ATP2B2: variants seen among roughly 807,000 people sequenced by gnomAD.
The protein encoded by ATP2B2 is ATPase plasma membrane Ca2+ transporting 2, also known as plasma membrane calcium-transporting ATPase 2.
In ATP2B2, 15 loss-of-function variants were observed where a neutral mutation model predicts 120.0. The observed-to-expected ratio is 0.12, with a 90% CI of 0.08 to 0.19. The LOEUF is 0.19. Ranked by LOEUF, ATP2B2 falls within the 10% of genes least tolerant of loss-of-function variation. The pLI is 1.00. For synonymous variants in ATP2B2, 694 were observed against 700.3 expected (o/e 0.99, Z 0.14); for missense variants, 1,045 against 1,719.8 (o/e 0.61, Z 6.94).
chr3:10,465,472 C>T (rs2064696127), intron 1 of ATP2B2, among the ~76,000 whole-genome samples: 1 of 152,252 alleles, frequency 6.6e-6, no homozygotes, highest in Non-Finnish European at 1.5e-5. Flanking sequence ...CCTCCAGTAC[C>T]ATCCTTCTGC....
intron 3 of ATP2B2, among the ~76,000 whole-genome samples, chr3:10,529,069 T>C (rs1178462718): frequency 6.6e-6 from 1 of 152,266 alleles, no homozygotes; most frequent in Non-Finnish European, 1.5e-5. Context: ...TGGGCTCATG[T>C]CTCTGTGCTA....
At chr3:10,367,246 G>A (rs1480597366) in intron 12 of ATP2B2, among the ~76,000 whole-genome samples, 1 of 152,038 alleles carries the variant, frequency 6.6e-6, no homozygotes, top group African/African-American at 2.4e-5. Context: ...CCTTTGCAGG[G>A]TTGTGCCCCC....
At chr3:10,444,266 G>A (rs1183176198) in intron 2 of ATP2B2, among the ~76,000 whole-genome samples, 5 of 152,206 alleles carry the variant, frequency 3.3e-5, no homozygotes, top group Admixed American at 3.3e-4. Context: ...GGCTCCCCTG[G>A]CTTCCCTGTT....
intron 14 of ATP2B2, among the ~76,000 whole-genome samples, 178 bp from the exon 15 acceptor site, chr3:10,350,755 G>A (rs867957596): frequency 6.6e-6 from 1 of 152,238 alleles, no homozygotes; most frequent in East Asian, 1.9e-4. Flanking sequence ...CTGTGCCAAC[G>A]GCAGGCATTG....
intron 1 of ATP2B2, among the ~76,000 whole-genome samples, chr3:10,644,476 G>A (rs143983227): frequency 2.5e-4 from 38 of 152,290 alleles, no homozygotes; most frequent in Middle Eastern, 6.8e-3. Context: ...TCACAACAGC[G>A]CTGTTCACAA....
At chr3:10,566,831 A>G (rs2068019861) in intron 2 of ATP2B2, among the ~76,000 whole-genome samples, 1 of 152,222 alleles carries the variant, frequency 6.6e-6, no homozygotes, top group South Asian at 2.1e-4. Flanking sequence ...ACAGTTTTCC[A>G]TCAATTTCCT....
chr3:10,459,709 A>G (rs1559364716), intron 1 of ATP2B2, among the ~76,000 whole-genome samples: 1 of 152,256 alleles, frequency 6.6e-6, no homozygotes, highest in Non-Finnish European at 1.5e-5. Context: ...ACAAAAAATG[A>G]TAACAGCAAC....
intron 1 of ATP2B2, among the ~76,000 whole-genome samples, chr3:10,653,922 G>A (rs933788033): frequency 6.6e-6 from 1 of 151,846 alleles, no homozygotes; most frequent in Non-Finnish European, 1.5e-5. Context: ...TTCTCATCCT[G>A]TCCCTCCACT....
At chr3:10,485,740 G>A (rs966751324) in intron 1 of ATP2B2, among the ~76,000 whole-genome samples, 4 of 152,282 alleles carry the variant, frequency 2.6e-5, no homozygotes, top group East Asian at 1.9e-4. Flanking sequence ...TGTTTTGTGC[G>A]GTGGGGGCTT....
At chr3:10,526,023 T>C (rs2067083809) in intron 3 of ATP2B2, among the ~76,000 whole-genome samples, 1 of 152,254 alleles carries the variant, frequency 6.6e-6, no homozygotes, top group Admixed American at 6.5e-5. Context: ...GAAGATGAAC[T>C]GGGACAGTAT....
At chr3:10,465,260 C>T (rs1238991277) in intron 1 of ATP2B2, among the ~76,000 whole-genome samples, 1 of 152,262 alleles carries the variant, frequency 6.6e-6, no homozygotes, top group African/African-American at 2.4e-5. Flanking sequence ...ACCTCAGACT[C>T]TGGAGGTATT....
chr3:10,614,052 T>C (rs1056225430), intron 2 of ATP2B2, among the ~76,000 whole-genome samples: 2 of 152,092 alleles, frequency 1.3e-5, no homozygotes, highest in African/African-American at 4.8e-5. Flanking sequence ...AAGCCTTCCC[T>C]GAGCACCTTA....
At chr3:10,672,105 T>C (rs1284963768) in intron 1 of ATP2B2, among the ~76,000 whole-genome samples, 2 of 152,192 alleles carry the variant, frequency 1.3e-5, no homozygotes, top group African/African-American at 4.8e-5. Context: ...GTGTTTTGGG[T>C]CTGCAAACTC....
chr3:10,328,196 C>T lies in ATP2B2; in HGVS notation c.*618G>A, dbSNP rs1273348350. 6.6e-6 allele frequency: 1 copy of T among 151,822 alleles called. No homozygotes were observed. Among genetic ancestry groups the T allele is most frequent in the African/African-American group, 2.4e-5 (1 of 41,114 alleles). The allele number at this position is 151,822 out of a possible 1,614,324, so 9.4% of individuals were successfully genotyped here. ...GGAAAAGTATACGTTGATATAGATACAAAGAAATGGATATAACCTTGTGAG... is the reference window on the plus strand; with the variant it reads ...GGAAAAGTATACGTTGATATAGATATAAAGAAATGGATATAACCTTGTGAG... On this transcript the variant is annotated 3_prime_UTR_variant, in exon 23 of 23. Coordinates refer to ENST00000360273, the MANE Select transcript of ATP2B2 (RefSeq NM_001001331.4).
intron 1 of ATP2B2, among the ~76,000 whole-genome samples, chr3:10,480,289 G>A (rs937867560): frequency 6.6e-6 from 1 of 152,206 alleles, no homozygotes; most frequent in African/African-American, 2.4e-5. Flanking sequence ...CCGACCGACA[G>A]CGTTGCTGGA....
At chr3:10,514,838 G>T (rs2066843983) in intron 3 of ATP2B2, among the ~76,000 whole-genome samples, 1 of 152,192 alleles carries the variant, frequency 6.6e-6, no homozygotes, top group Non-Finnish European at 1.5e-5. Flanking sequence ...TTCCTGAAAG[G>T]CTGGGCCACC....
chr3:10,450,770 C>T (rs1315783044), intron 1 of ATP2B2, among the ~76,000 whole-genome samples: 2 of 152,190 alleles, frequency 1.3e-5, no homozygotes, highest in Non-Finnish European at 2.9e-5. Flanking sequence ...TCTCCCTGCC[C>T]GCCCGGCCAC....
intron 2 of ATP2B2, among the ~76,000 whole-genome samples, chr3:10,413,877 A>T (rs1436980305): frequency 1.3e-5 from 2 of 152,146 alleles, no homozygotes; most frequent in African/African-American, 4.8e-5. Context: ...TTGACAAGGG[A>T]GAAGGGAGAG....
At chr3:10,421,759 C>T (rs946604940) in intron 2 of ATP2B2, among the ~76,000 whole-genome samples, 1 of 152,206 alleles carries the variant, frequency 6.6e-6, no homozygotes, top group Non-Finnish European at 1.5e-5. Flanking sequence ...TTATCCCACT[C>T]TCCTACCAAG....
Sources: gnomAD v4.1 joint callset for allele counts (sites outside exome capture counted in the v4.1 genomes callset) on GRCh38, gnomAD v4.1.1 for gene constraint, MANE v1.5 for transcripts, NCBI Gene and HGNC (gene_info 2026-07-23, HGNC 2026-07-21) for gene names.